The following CEP164 variants were observed in gnomAD, a reference collection of about 807,000 sequenced individuals.
CEP164 encodes centrosomal protein 164, also known as centrosomal protein of 164 kDa.
In CEP164, 162 loss-of-function variants were observed where a neutral mutation model predicts 182.7. The ratio of observed to expected loss-of-function variants is 0.89; its 90% CI spans 0.78 to 1.01. The LOEUF (loss-of-function observed/expected upper bound fraction) is 1.01. CEP164 is among the 50% of genes least tolerant of loss of function. The probability of loss-of-function intolerance (pLI) is 0.00; values close to 1 mark genes in which losing one functional copy is unlikely to be tolerated. For synonymous variants in CEP164, 661 were observed against 690.0 expected, an observed-to-expected ratio of 0.96 and a Z score of 0.66; for missense variants, 1,735 against 1,790.4, an observed-to-expected ratio of 0.97 and a Z score of 0.56.
rs758561998 is a variant in CEP164 at position 117,395,164 on chromosome 11, G to A, written c.2886G>A (p.Val962=). 9.9e-6 allele frequency: 16 copies of A among 1,613,956 alleles called. No homozygotes were observed. In the South Asian group the frequency reaches 1.6e-4, roughly 17 times the overall value. The change falls in exon 23 of 33, where the codon GTG becomes GTA. Residue 962 remains valine (V), a synonymous_variant. Coordinates refer to ENST00000278935, the MANE Select transcript of CEP164 (RefSeq NM_014956.5). The part of the protein sequence containing the change: ...ARREKQQLLD[V]QRQVALKSEE... ...GGGAGAAGCAGCAGCTGCTTGATGT[G>A]CAGAGGCAGGTTGCTCTGAAGAGTG...
chr11:117,361,226 C>T (rs1286706052), intron 5 of CEP164, among the ~76,000 whole-genome samples: 2 of 139,886 alleles, frequency 1.4e-5, no homozygotes, highest in Non-Finnish European at 1.5e-5. Context: ...TGAGCCACTG[C>T]GCCTGGCTTT....
intron 11 of CEP164, among the ~76,000 whole-genome samples, chr11:117,377,688 A>G (rs1246762042): frequency 6.6e-6 from 1 of 152,210 alleles, no homozygotes; most frequent in Non-Finnish European, 1.5e-5. Context: ...GAGCTATACT[A>G]GTTTTTGTTC....
chr11:117,393,410 C>G (rs552105865), intron 20 of CEP164, among the ~76,000 whole-genome samples: 1 of 152,164 alleles, frequency 6.6e-6, no homozygotes, highest in African/African-American at 2.4e-5. Flanking sequence ...GCAGGCTGTA[C>G]TTTCTTCTGA....
At chr11:117,325,379 C>T (rs1215118283), upstream of CEP164, among the ~76,000 whole-genome samples, 2 of 151,922 alleles carry the variant, frequency 1.3e-5, no homozygotes, top group African/African-American at 2.4e-5. Flanking sequence ...GCCACCACAG[C>T]CTGGCCTACT....
chr11:117,409,107 T>G lies in CEP164; in HGVS notation c.3748+79T>G. On this transcript the variant is annotated intron_variant, in intron 29 of 32. Transcript: ENST00000278935. The surrounding 1 kb of genome is among the most constrained non-coding windows in gnomAD (Gnocchi z 4.4). ...CTTGGGGAATAGAAGAAGAGCTCTC[T>G]TCCCTCAGCCCTGCAGAGGGAGGCC... is the stretch of plus-strand genomic sequence containing the variant. The G allele has an allele frequency of 4.5e-6, 7 of 1,558,096 alleles. No individual in the cohort carries two copies. The highest frequency in any genetic ancestry group is 5.3e-6 in the Non-Finnish European group (6 of 1,140,870).
chr11:117,412,046 G>A, intron 32 of CEP164, 26 bp from the exon 33 acceptor site: 19 of 1,613,418 alleles, frequency 1.2e-5, no homozygotes, highest in Non-Finnish European at 1.6e-5. Context: ...CCCAGCGACT[G>A]CAGTTTTCCT....
chr11:117,344,441 A>G (rs1339479153), intron 4 of CEP164, among the ~76,000 whole-genome samples, 164 bp downstream of exon 4: 1 of 152,190 alleles, frequency 6.6e-6, no homozygotes, highest in Admixed American at 6.5e-5. Context: ...TTCAGGCTTC[A>G]GTGTAGGCTG....
intron 8 of CEP164, among the ~76,000 whole-genome samples, chr11:117,365,955 T>A (rs1246969675): frequency 6.6e-6 from 1 of 152,060 alleles, no homozygotes; most frequent in Non-Finnish European, 1.5e-5. Context: ...TTTTAAACAT[T>A]TTTATAACCT....
At chr11:117,347,785 A>G (rs1290089617) in intron 4 of CEP164, among the ~76,000 whole-genome samples, 1 of 152,126 alleles carries the variant, frequency 6.6e-6, no homozygotes, top group Non-Finnish European at 1.5e-5. Flanking sequence ...CTGTAAATCA[A>G]TTTGGGGAAA....
chr11:117,394,830 G>C lies in CEP164; in HGVS notation c.2761-90G>C. On this transcript the variant is annotated intron_variant, in intron 21 of 32. Coordinates refer to ENST00000278935, the MANE Select transcript of CEP164 (RefSeq NM_014956.5). The surrounding 1 kb of genome is among the most constrained non-coding windows in gnomAD (Gnocchi z 4.0). ...GCCTGAGCCCAGAGTGGAGGTTGTG[G>C]TGTGGCATGGTGGGTTCTGGAACCC... 7.9e-7 allele frequency: 1 copy of C among 1,261,618 alleles called. No individual in the cohort carries two copies. The highest frequency in any genetic ancestry group is 1.5e-5 in the African/African-American group (1 of 67,998). The allele number at this position is 1,261,618 out of a possible 1,614,324, so 78.2% of individuals were successfully genotyped here. A position where few individuals can be genotyped will look rare whatever the true frequency, so the allele number is the denominator to read the frequency against.
Position 117,338,566 on chromosome 11 carries a change from G to A in CEP164, c.-21G>A. 1.2e-6 allele frequency: 2 copies of A among 1,605,208 alleles called. No individual in the cohort carries two copies. The highest frequency in any genetic ancestry group is 1.7e-6 in the Non-Finnish European group (2 of 1,171,978). On this transcript the variant is annotated splice_region_variant and 5_prime_UTR_variant, in exon 3 of 33. In the 5' UTR this introduces an upstream ATG that the reference lacks. Transcript: ENST00000278935. ...TTTGGTGGGGGCCTCTGGGATCTAG[G>A]TGTTTGAGCCCAGATGAGTCATGGC...
At chr11:117,355,405 G>GA in intron 5 of CEP164, 2 of 1,289,826 alleles carry the variant, frequency 1.6e-6, no homozygotes, top group Non-Finnish European at 2.0e-6. Context: ...TAGAAAGCAG[G>GA]AACCAGGCCT....
At chr11:117,357,961 C>T (rs1163652702) in intron 5 of CEP164, among the ~76,000 whole-genome samples, 2 of 152,178 alleles carry the variant, frequency 1.3e-5, no homozygotes, top group Non-Finnish European at 2.9e-5. Flanking sequence ...TCACTATATT[C>T]TTCATTCAGA....
At chr11:117,345,554 G>A (rs190206351) in intron 4 of CEP164, among the ~76,000 whole-genome samples, 10 of 152,306 alleles carry the variant, frequency 6.6e-5, no homozygotes, top group Admixed American at 3.3e-4. Context: ...TAGACAAGGC[G>A]TAATCATCCT....
chr11:117,373,366 A>G (rs1171022038), intron 9 of CEP164, among the ~76,000 whole-genome samples: 3 of 152,020 alleles, frequency 2.0e-5, no homozygotes, highest in African/African-American at 7.2e-5. Context: ...CATCTCGGAA[A>G]AAAAAAAAAA....
At chr11:117,339,309 G>A (rs2037710491) in intron 3 of CEP164, among the ~76,000 whole-genome samples, 1 of 152,082 alleles carries the variant, frequency 6.6e-6, no homozygotes, top group Non-Finnish European at 1.5e-5. Context: ...TTAGAGCAGT[G>A]ATTAGATTTA....
intron 8 of CEP164, among the ~76,000 whole-genome samples, chr11:117,370,725 A>G (rs572369238): frequency 3.9e-5 from 6 of 152,264 alleles, no homozygotes; most frequent in African/African-American, 1.4e-4. Context: ...AGCCTGGCCA[A>G]CATGGCAAAA....
intron 5 of CEP164, among the ~76,000 whole-genome samples, chr11:117,357,751 G>A (rs1440165082): frequency 5.3e-5 from 8 of 151,388 alleles, no homozygotes; most frequent in African/African-American, 2.0e-4. Context: ...GAGAGACGGA[G>A]GCCAGAACCT....
Position 117,406,656 on chromosome 11 carries a change from GTTAC to G in CEP164, c.3502-1264_3502-1261del, listed in dbSNP as rs1208737613. Among the ~76,000 whole-genome samples, 7 of 152,312 alleles carry G rather than the reference GTTAC, an allele frequency of 4.6e-5. No homozygotes were observed. The East Asian group carries it at 1.3e-3, about 29-fold the overall frequency. ...GAACACACTTAGCAAAAGGCTTTGA[GTTAC>G]TTACCCACCCTGCTTCTCTGATAGC... is the stretch of plus-strand genomic sequence containing the variant. On this transcript the variant is annotated intron_variant, in intron 27 of 32. Coordinates refer to ENST00000278935, the MANE Select transcript of CEP164 (RefSeq NM_014956.5).
Sources: allele counts gnomAD v4.1 joint callset (sites outside exome capture counted in the v4.1 genomes callset), GRCh38; gene constraint gnomAD v4.1.1; non-coding constraint Gnocchi (gnomAD v3.1); transcripts MANE v1.5; gene names NCBI Gene and HGNC (gene_info 2026-07-23, HGNC 2026-07-21).